MYO15B: variants seen among roughly 807,000 people sequenced by gnomAD.
MYO15B encodes the protein myosin XVB.
Under a neutral mutation model 119.3 loss-of-function variants are expected in MYO15B, and 207 were observed. That is an observed-to-expected ratio of 1.73 (90% CI 1.55 to 1.95). The LOEUF is 1.95. Among genes scored for constraint, MYO15B ranks in the 30% most tolerant of loss-of-function variants. The pLI is 0.00. For missense variants in MYO15B, 2,264 were observed against 1,203.1 expected (o/e 1.88, Z -13.04); for synonymous variants, 966 against 498.9 (o/e 1.94, Z -12.48).
At chr17:75,623,613 C>T (rs542029221) in intron 53 of MYO15B, among the ~76,000 whole-genome samples, 168 bp from the exon 54 acceptor site, 8 of 152,164 alleles carry the variant, frequency 5.3e-5, no homozygotes, top group Non-Finnish European at 7.3e-5. Flanking sequence ...CAGAGGGAGA[C>T]GGGAGCAGCG....
chr17:75,591,251 G>C lies in MYO15B; in HGVS notation c.2435+5G>C, dbSNP rs1256306430. ...GGACCCATGCATCCTCCTGTGGTGA[G>C]TGGTGGCCTTCCTGGGTGGCTGAAC... On this transcript the variant is annotated splice_donor_5th_base_variant and intron_variant, in intron 4 of 63. Coordinates refer to ENST00000645453, the Ensembl canonical transcript of MYO15B. The C allele has an allele frequency of 2.8e-6, 2 of 702,864 alleles. No individual in the cohort carries two copies. Among genetic ancestry groups the C allele is most frequent in the South Asian group, 3.0e-5 (2 of 67,602 alleles). 43.5% of individuals were successfully genotyped at this position (702,864 alleles called of 1,614,324 possible).
chr17:75,591,039 C>T (rs962663746), intron 3 of MYO15B, 23 bp downstream of exon 3: 3 of 653,650 alleles, frequency 4.6e-6, no homozygotes, highest in Admixed American at 2.2e-5. Flanking sequence ...GCCCCACTGA[C>T]CCTCTGCTCA....
intron 9 of MYO15B, among the ~76,000 whole-genome samples, chr17:75,593,189 G>C (rs543810412): frequency 2.0e-5 from 2 of 99,284 alleles, no homozygotes; most frequent in African/African-American, 4.3e-5. Flanking sequence ...GAGAAACCCC[G>C]TCTCTATTAA....
In MYO15B at chr17:75,624,294, T is replaced by C. The variant is rs915811305; in HGVS notation, c.8367+25T>C. Reference sequence around the variant, plus strand: ...GGTACTGGGGGTGGCGGATGGGCATTGTGGGACACCCTGGGGTGGGGAGTG... The same window carrying C: ...GGTACTGGGGGTGGCGGATGGGCATCGTGGGACACCCTGGGGTGGGGAGTG... On this transcript the variant is annotated intron_variant, in intron 56 of 63. Coordinates refer to ENST00000645453, the Ensembl canonical transcript of MYO15B. The C allele has an allele frequency of 1.4e-5, 10 of 702,786 alleles. No individual in the cohort carries two copies. In the Admixed American group the frequency reaches 1.8e-4, roughly 13 times the overall value. The allele number at this position is 702,786 out of a possible 1,614,324, so 43.5% of individuals were successfully genotyped here.
rs1006585312 is a variant in MYO15B at position 75,626,534 on chromosome 17, G to C, written c.*50G>C. 3 of 702,672 alleles carry C rather than the reference G, an allele frequency of 4.3e-6. No individual in the cohort carries two copies. The South Asian group carries it at 4.4e-5, about 10-fold the overall frequency. The allele number at this position is 702,672 out of a possible 1,614,324, so 43.5% of individuals were successfully genotyped here. A position where few individuals can be genotyped will look rare whatever the true frequency, so the allele number is the denominator to read the frequency against. On this transcript the variant is annotated 3_prime_UTR_variant, in exon 64 of 64. Coordinates refer to ENST00000645453, the Ensembl canonical transcript of MYO15B. ...GAGGATGAGGCCTCCCCCGGCCCAA[G>C]TCTCACCCACATGGTCTGCCTTGGA...
intron 14 of MYO15B, among the ~76,000 whole-genome samples, chr17:75,598,184 C>A (rs1312113568): frequency 6.6e-6 from 1 of 151,310 alleles, no homozygotes. Context: ...AGGAGAATCG[C>A]TTGAACCCAG....
chr17:75,615,557 C>T (rs1391002412), exon 35 of MYO15B: 2 of 701,388 alleles, frequency 2.9e-6, no homozygotes, highest in Admixed American at 2.0e-5. Flanking sequence ...GGGCAGCTGG[C>T]CGTCCAGCAG....
exon 42 of MYO15B, chr17:75,617,830 G>A: frequency 1.4e-6 from 1 of 702,834 alleles, no homozygotes; most frequent in Non-Finnish European, 2.6e-6. Flanking sequence ...GCCCGTGGAG[G>A]ACCAGGGGGT....
At chr17:75,615,305 A>G in exon 34 of MYO15B, 2 of 702,670 alleles carry the variant, frequency 2.8e-6, no homozygotes, top group Non-Finnish European at 2.6e-6. Context: ...CATGCCCATG[A>G]TGCCAGCAAT....
At chr17:75,588,086 A>G (rs1360786985) in exon 1 of MYO15B, 3 of 398,194 alleles carry the variant, frequency 7.5e-6, no homozygotes, top group Non-Finnish European at 1.3e-5. Context: ...AAAGCGCCCC[A>G]GCGCCTGGAG....
Position 75,612,783 on chromosome 17 carries a change from T to C in MYO15B, c.4636-15T>C, listed in dbSNP as rs1367993203. The stretch of plus-strand genomic sequence containing the variant: ...TAGCTGGTGAGCATGGACTGAGCCC[T>C]CTCCTTCCTTGCAGGAACCGTCCCT... On this transcript the variant is annotated splice_polypyrimidine_tract_variant and intron_variant, in intron 25 of 63. Transcript: ENST00000645453. The C allele has an allele frequency of 1.4e-6, 1 of 702,824 alleles. No homozygotes were observed. Among genetic ancestry groups the C allele is most frequent in the South Asian group, 1.5e-5 (1 of 67,592 alleles). 43.5% of individuals were successfully genotyped at this position (702,824 alleles called of 1,614,324 possible).
chr17:75,594,423 A>T (rs2056712446), intron 9 of MYO15B, 52 bp from the exon 10 acceptor site: 2 of 576,310 alleles, frequency 3.5e-6, no homozygotes, highest in Non-Finnish European at 3.1e-6. Flanking sequence ...CTGCCTGGGG[A>T]GTGTGTCCAT....
intron 15 of MYO15B, 70 bp from the exon 16 acceptor site, chr17:75,602,447 G>T (rs1044520137): frequency 2.8e-6 from 2 of 702,758 alleles, no homozygotes; most frequent in Admixed American, 4.0e-5. Flanking sequence ...TCCATATCCA[G>T]CCTCCCCTCC....
chr17:75,612,109 C>T, intron 25 of MYO15B, 93 bp downstream of exon 25: 1 of 661,334 alleles, frequency 1.5e-6, no homozygotes, highest in South Asian at 1.6e-5. Context: ...CCGCTGTCAG[C>T]TCTTGCCCTC....
chr17:75,603,053 G>A (rs1339481030), exon 18 of MYO15B: 1 of 703,340 alleles, frequency 1.4e-6, no homozygotes, highest in East Asian at 2.7e-5. Flanking sequence ...ATTTCATCCA[G>A]TGCCTCACCC....
intron 36 of MYO15B, 63 bp from the exon 37 acceptor site, chr17:75,616,006 G>A (rs1316706257): frequency 1.0e-5 from 6 of 590,466 alleles, no homozygotes; most frequent in African/African-American, 1.9e-5. Context: ...CTGGGGACCC[G>A]AGGGGTGTGG....
intron 9 of MYO15B, among the ~76,000 whole-genome samples, chr17:75,594,237 G>A (rs56776610): frequency 0.054 from 8,237 of 152,226 alleles, 721 homozygotes; most frequent in African/African-American, 0.18. Flanking sequence ...CAGTGAGGCC[G>A]TGGGGCGCAG....
exon 57 of MYO15B, chr17:75,624,429 G>A (rs60363271): frequency 0.012 from 8,115 of 702,598 alleles, 299 homozygotes; most frequent in African/African-American, 0.094. Flanking sequence ...ATTATAGGAC[G>A]AATATCCAGA....
chr17:75,611,846 C>G (rs2147974642), intron 24 of MYO15B, 40 bp from the exon 25 acceptor site: 1 of 701,982 alleles, frequency 1.4e-6, no homozygotes, highest in Non-Finnish European at 2.6e-6. Flanking sequence ...AGGTACCACA[C>G]CTGGATGCTC....
Sources: allele counts gnomAD v4.1 joint callset (sites outside exome capture counted in the v4.1 genomes callset), GRCh38; gene constraint gnomAD v4.1.1; transcripts MANE v1.5; gene names NCBI Gene and HGNC (gene_info 2026-07-23, HGNC 2026-07-21).